MKRN1: variants seen among roughly 807,000 people sequenced by gnomAD.
MKRN1 encodes makorin ring finger protein 1.
A neutral mutation model predicts 55.5 loss-of-function variants in MKRN1; 9 were observed. The observed-to-expected ratio is 0.16, with a 90% confidence interval of 0.10 to 0.28. The LOEUF (loss-of-function observed/expected upper bound fraction) is 0.28. Ranked by LOEUF, MKRN1 falls within the 10% of genes least tolerant of loss-of-function variation. MKRN1 has a pLI of 1.00. For missense variants in MKRN1, 488 were observed against 626.7 expected (o/e 0.78, Z 2.36); for synonymous variants, 253 against 235.9 (o/e 1.07, Z -0.66).
intron 1 of MKRN1, among the ~76,000 whole-genome samples, chr7:140,477,556 T>C (rs183594507): frequency 1.1e-4 from 16 of 152,274 alleles, no homozygotes; most frequent in Admixed American, 1.0e-3. Flanking sequence ...GCTCCTGACC[T>C]CGTGATCCAC....
intron 1 of MKRN1, chr7:140,472,317 C>T (rs778798004): frequency 3.3e-6 from 1 of 305,188 alleles, no homozygotes; most frequent in African/African-American, 2.2e-5. Context: ...ATGTTAATCC[C>T]AGCTACTCAG....
chr7:140,459,552 TATCTGTAAATCTTAGGTA>T lies in MKRN1; in HGVS notation c.544+137_544+154del, dbSNP rs1173736538. On this transcript the variant is annotated intron_variant, in intron 3 of 7. Transcript: ENST00000255977. ...CTGGGATTAAAAATTTCCTTCACTC[TATCTGTAAATCTTAGGTA>T]ATCCAAATTAAAGTACTGTACTAAG... 2.6e-5 allele frequency among the ~76,000 whole-genome samples: 4 copies of T among 152,340 alleles called. No homozygotes were observed. In the East Asian group the frequency reaches 7.7e-4, roughly 29 times the overall value.
At chr7:140,476,500 CAT>C (rs1205952640) in intron 1 of MKRN1, among the ~76,000 whole-genome samples, 1 of 139,354 alleles carries the variant, frequency 7.2e-6, no homozygotes, top group Non-Finnish European at 1.5e-5. Flanking sequence ...GGAAGATACA[CAT>C]GTGTTCTGTT....
chr7:140,472,228 G>A (rs1001375152), intron 1 of MKRN1: 6 of 533,414 alleles, frequency 1.1e-5, no homozygotes, highest in Admixed American at 9.9e-5. Flanking sequence ...TAAGACCAGC[G>A]GTTCGAGACC....
chr7:140,466,810 CAAAAAAAAAAA>C lies in MKRN1; in HGVS notation c.314+5062_314+5072del, dbSNP rs563645827. Reference sequence around the variant, plus strand: ...TGGGCGACAGAGCGAGACTCCGTCTCAAAAAAAAAAAAAAAAAAAAAAAGAATAAAAAAACT... The same window carrying C: ...TGGGCGACAGAGCGAGACTCCGTCTCAAAAAAAAAAAAGAATAAAAAAACT... On this transcript the variant is annotated intron_variant, in intron 2 of 7. Transcript: ENST00000255977. Among the ~76,000 whole-genome samples, 67 of 87,200 alleles carry C rather than the reference CAAAAAAAAAAA, an allele frequency of 7.7e-4. 1 individual carries two copies. The highest frequency in any genetic ancestry group is 2.9e-3 in the African/African-American group (56 of 19,568). 57.2% of individuals were successfully genotyped at this position (87,200 alleles called of 152,430 possible).
rs374037508 is a variant in MKRN1 at position 140,461,645 on chromosome 7, A to T, written c.315-1709T>A. On this transcript the variant is annotated intron_variant, in intron 2 of 7. Transcript: ENST00000255977. ...GTGAGACTCTGTTTCAAAAAATAATAAAAAAAAAGCAAAGCATAGCAAGCA... is the reference window on the plus strand; with the variant it reads ...GTGAGACTCTGTTTCAAAAAATAATTAAAAAAAAGCAAAGCATAGCAAGCA... Among the ~76,000 whole-genome samples, 20 of 148,350 alleles carry T rather than the reference A, an allele frequency of 1.3e-4. 1 individual carries two copies. The highest frequency in any genetic ancestry group is 4.5e-4 in the African/African-American group (18 of 39,912).
chr7:140,479,171 C>CT lies in MKRN1; in HGVS notation c.173dup (p.Val59GlyfsTer12). ...GCGCAACGTCCTACCTGCAGGTGAC[C>CT]TGTTTAGTCCAGCCGCCGCCGCTGC... On this transcript the variant is annotated frameshift_variant, in exon 1 of 8. Coordinates refer to ENST00000255977, the MANE Select transcript of MKRN1 (RefSeq NM_013446.4). LOFTEE classifies it high-confidence loss of function. 1 of 1,444,444 alleles carries CT rather than the reference C, an allele frequency of 6.9e-7. No homozygotes were observed. The highest frequency in any genetic ancestry group is 9.1e-7 in the Non-Finnish European group (1 of 1,100,662). 89.5% of individuals were successfully genotyped at this position (1,444,444 alleles called of 1,614,324 possible).
intron 2 of MKRN1, among the ~76,000 whole-genome samples, chr7:140,466,875 G>A (rs1051884198): frequency 1.3e-5 from 2 of 150,884 alleles, no homozygotes; most frequent in East Asian, 1.9e-4. Context: ...GCAGTGAGTC[G>A]TGTTCACACC....
intron 4 of MKRN1, among the ~76,000 whole-genome samples, chr7:140,458,098 T>C (rs963285967): frequency 1.3e-5 from 2 of 152,218 alleles, no homozygotes; most frequent in Non-Finnish European, 1.5e-5. Flanking sequence ...CTGCAGCCAC[T>C]GTGGAAAAGT....
intron 1 of MKRN1, among the ~76,000 whole-genome samples, chr7:140,476,660 G>GGATACTCAGTAACTGAGTATCCTGTTCAT (rs1022287698): frequency 4.0e-4 from 61 of 150,762 alleles, no homozygotes; most frequent in East Asian, 3.5e-3. Flanking sequence ...TATCTGCTCA[G>GGATACTCAGTAACTGAGTATCCTGTTCAT]GATACTCAGT....
chr7:140,459,035 T>A lies in MKRN1; in HGVS notation c.743A>T (p.Asp248Val). ...GATATGCTGCGATCTCTGGGCAGCA[T>A]CCATTGGATGCAGGACCTGCAGCCC... is the stretch of plus-strand genomic sequence containing the variant. ...MCGLQVLHPMDAAQRSQHIKS... is the reference protein window; with the variant it reads ...MCGLQVLHPMVAAQRSQHIKS... Residue 248 changes from aspartate to valine, a missense_variant, in exon 4 of 8, where the codon GAT (aspartate) becomes GTT (valine). Coordinates refer to ENST00000255977, the MANE Select transcript of MKRN1 (RefSeq NM_013446.4). 6.2e-7 allele frequency: 1 copy of A among 1,613,966 alleles called. No individual in the cohort carries two copies. The highest frequency in any genetic ancestry group is 2.2e-5 in the East Asian group (1 of 44,886).
intron 1 of MKRN1, chr7:140,472,482 T>C (rs2130347320): frequency 6.4e-6 from 1 of 156,112 alleles, no homozygotes; most frequent in East Asian, 1.9e-4. Context: ...GTAAAGCAAG[T>C]GTATTAGTCC....
At chr7:140,458,346 C>T (rs781651425) in intron 4 of MKRN1, among the ~76,000 whole-genome samples, 9 of 152,164 alleles carry the variant, frequency 5.9e-5, no homozygotes, top group Non-Finnish European at 8.8e-5. Flanking sequence ...AACGGCTACA[C>T]GCAACCACAC....
intron 6 of MKRN1, 196 bp downstream of exon 6, chr7:140,455,594 C>T (rs1794445271): frequency 3.4e-6 from 2 of 583,208 alleles, no homozygotes; most frequent in Admixed American, 5.9e-5. Flanking sequence ...ATAACACAGT[C>T]CCTTGGCATG....
chr7:140,465,106 T>G (rs573980436), intron 2 of MKRN1, among the ~76,000 whole-genome samples: 1 of 152,176 alleles, frequency 6.6e-6, no homozygotes, highest in Non-Finnish European at 1.5e-5. Flanking sequence ...CTTTCCCTGG[T>G]TGGTTTACAA....
chr7:140,472,215 GTC>G, intron 1 of MKRN1: 1 of 606,786 alleles, frequency 1.6e-6, no homozygotes, highest in Non-Finnish European at 2.8e-6. Flanking sequence ...GAGGTCAGGG[GTC>G]TAAGACCAGC....
chr7:140,476,532 ATTT>A, intron 1 of MKRN1, among the ~76,000 whole-genome samples: 2 of 143,060 alleles, frequency 1.4e-5, no homozygotes, highest in African/African-American at 5.7e-5. Flanking sequence ...GTCTTTGGTA[ATTT>A]ACAAGTTTTG....
chr7:140,473,911 GA>G, intron 1 of MKRN1: 1 of 150,496 alleles, frequency 6.6e-6, no homozygotes, highest in Non-Finnish European at 1.5e-5. Context: ...AAAATCGCTG[GA>G]ACCCAGGAGA....
At chr7:140,459,658 A>C (rs1469187590) in intron 3 of MKRN1, 49 bp downstream of exon 3, 1 of 1,546,864 alleles carries the variant, frequency 6.5e-7, no homozygotes, top group African/African-American at 1.4e-5. Context: ...CAAATGGATG[A>C]ACTGCTATCC....
Sources: gnomAD v4.1 joint callset for allele counts (sites outside exome capture counted in the v4.1 genomes callset) on GRCh38, gnomAD v4.1.1 for gene constraint, MANE v1.5 for transcripts, NCBI Gene and HGNC (gene_info 2026-07-23, HGNC 2026-07-21) for gene names.